KCNB2: variants seen among roughly 807,000 people sequenced by gnomAD.
KCNB2 encodes delayed rectifier potassium channel protein.
In KCNB2, 15 loss-of-function variants were observed where a neutral mutation model predicts 61.5. The observed-to-expected ratio is 0.24, with a 90% CI of 0.16 to 0.38. The LOEUF (loss-of-function observed/expected upper bound fraction) is 0.38, where lower values mean the gene tolerates loss of function less well. Among genes scored for constraint, KCNB2 ranks in the 10% least tolerant of loss-of-function variants. The probability of loss-of-function intolerance (pLI) is 1.00; values close to 1 mark genes in which losing one functional copy is unlikely to be tolerated. For synonymous variants in KCNB2, 457 were observed against 446.0 expected, an observed-to-expected ratio of 1.02 and a Z score of -0.31; for missense variants, 828 against 1,125.2, an observed-to-expected ratio of 0.74 and a Z score of 3.78.
intron 2 of KCNB2, among the ~76,000 whole-genome samples, chr8:72,886,085 T>C (rs1261863125): frequency 6.6e-6 from 1 of 152,240 alleles, no homozygotes; most frequent in Non-Finnish European, 1.5e-5. Context: ...ATTTTAATTG[T>C]TCAACTTTAT....
chr8:72,899,297 G>C (rs1009252579), intron 2 of KCNB2, among the ~76,000 whole-genome samples: 8 of 152,136 alleles, frequency 5.3e-5, no homozygotes, highest in African/African-American at 1.9e-4. Context: ...CACTGAATGA[G>C]CAAAAGATGG....
At chr8:72,832,225 C>T (rs2129001939) in intron 2 of KCNB2, among the ~76,000 whole-genome samples, 1 of 152,248 alleles carries the variant, frequency 6.6e-6, no homozygotes, top group Non-Finnish European at 1.5e-5. Flanking sequence ...AAAGGATGGC[C>T]TGGAATGTCA....
intron 2 of KCNB2, among the ~76,000 whole-genome samples, chr8:72,650,384 C>T (rs992848807): frequency 6.6e-6 from 1 of 152,154 alleles, no homozygotes; most frequent in Non-Finnish European, 1.5e-5. Flanking sequence ...CCCCTGCTCA[C>T]CTGCTCTTAC....
Position 72,656,450 on chromosome 8 carries a change from C to A in KCNB2, c.579+88137C>A, listed in dbSNP as rs540331274. ...CTGAATTGGCTGTCAACATTCGAGTCGTAAATAATAATAATAATGGCACAC... is the reference window on the plus strand; with the variant it reads ...CTGAATTGGCTGTCAACATTCGAGTAGTAAATAATAATAATAATGGCACAC... On this transcript the variant is annotated intron_variant, in intron 2 of 2. Transcript: ENST00000523207. Among the ~76,000 whole-genome samples, 13 of 152,050 alleles carry A rather than the reference C, an allele frequency of 8.5e-5. No homozygotes were observed. The South Asian group carries it at 2.7e-3, about 32-fold the overall frequency.
intron 2 of KCNB2, among the ~76,000 whole-genome samples, chr8:72,920,186 C>A (rs1055168891): frequency 1.3e-5 from 2 of 151,614 alleles, no homozygotes; most frequent in East Asian, 3.9e-4. Flanking sequence ...TTTACTTAAT[C>A]AAAAATTGGG....
intron 2 of KCNB2, among the ~76,000 whole-genome samples, chr8:72,843,650 T>A (rs1478760945): frequency 1.3e-5 from 2 of 152,244 alleles, no homozygotes; most frequent in Non-Finnish European, 2.9e-5. Flanking sequence ...TTTAGGATAG[T>A]TGGCTCTTCC....
At chr8:72,840,346 T>C (rs1163505277) in intron 2 of KCNB2, among the ~76,000 whole-genome samples, 2 of 152,228 alleles carry the variant, frequency 1.3e-5, no homozygotes, top group Non-Finnish European at 2.9e-5. Context: ...GTCTTTGCTA[T>C]TGTGAATAGT....
chr8:72,631,998 A>C (rs1255929764), intron 2 of KCNB2, among the ~76,000 whole-genome samples: 1 of 152,110 alleles, frequency 6.6e-6, no homozygotes, highest in Non-Finnish European at 1.5e-5. Flanking sequence ...ACACTTGGGG[A>C]GGCTGAGGCA....
At chr8:72,928,038 A>G (rs1446066758) in intron 2 of KCNB2, among the ~76,000 whole-genome samples, 1 of 152,196 alleles carries the variant, frequency 6.6e-6, no homozygotes, top group Non-Finnish European at 1.5e-5. Flanking sequence ...GTGTTATAGA[A>G]TCTGAATAGA....
chr8:72,695,338 G>C (rs988695365), intron 2 of KCNB2, among the ~76,000 whole-genome samples: 1 of 152,110 alleles, frequency 6.6e-6, no homozygotes, highest in South Asian at 2.1e-4. Flanking sequence ...GCCCCTGTCA[G>C]CATCAGAAAT....
chr8:72,735,031 A>G (rs746079169), intron 2 of KCNB2, among the ~76,000 whole-genome samples: 25 of 152,172 alleles, frequency 1.6e-4, no homozygotes, highest in Non-Finnish European at 1.8e-4. Context: ...AAGGCAATTC[A>G]GTGGTTTATA....
chr8:72,744,272 T>C (rs140743798), intron 2 of KCNB2, among the ~76,000 whole-genome samples: 31 of 152,294 alleles, frequency 2.0e-4, no homozygotes, highest in African/African-American at 6.7e-4. Context: ...TGACTCAGTT[T>C]CCACAGTTTC....
intron 2 of KCNB2, among the ~76,000 whole-genome samples, chr8:72,833,709 T>A (rs1363242446): frequency 6.6e-6 from 1 of 152,146 alleles, no homozygotes; most frequent in African/African-American, 2.4e-5. Flanking sequence ...AGCTGGGAAG[T>A]ACAGATGTTA....
chr8:72,753,115 A>C (rs550547357), intron 2 of KCNB2, among the ~76,000 whole-genome samples: 10 of 152,322 alleles, frequency 6.6e-5, no homozygotes, highest in African/African-American at 2.4e-4. Context: ...TTCTTCTTTT[A>C]GAGGTATCTG....
intron 2 of KCNB2, among the ~76,000 whole-genome samples, chr8:72,767,270 A>T (rs1808475304): frequency 6.6e-6 from 1 of 152,158 alleles, no homozygotes; most frequent in African/African-American, 2.4e-5. Flanking sequence ...TTGATATAGT[A>T]TTTACTATAA....
intron 2 of KCNB2, among the ~76,000 whole-genome samples, chr8:72,814,110 C>CT (rs1415873627): frequency 2.0e-5 from 3 of 152,158 alleles, no homozygotes; most frequent in African/African-American, 7.2e-5. Flanking sequence ...AGAGTGCATG[C>CT]TTTTTTTGTA....
intron 1 of KCNB2, among the ~76,000 whole-genome samples, chr8:72,540,537 G>A (rs1806174014): frequency 6.6e-6 from 1 of 152,008 alleles, no homozygotes; most frequent in East Asian, 1.9e-4. Flanking sequence ...TAAGGCTAGA[G>A]ATTATGGCCT....
intron 2 of KCNB2, among the ~76,000 whole-genome samples, chr8:72,678,449 C>T (rs1806698018): frequency 6.7e-6 from 1 of 148,660 alleles, no homozygotes; most frequent in Non-Finnish European, 1.5e-5. Context: ...TCTTTGCTTC[C>T]TCCCCACCCC....
intron 2 of KCNB2, among the ~76,000 whole-genome samples, chr8:72,669,786 T>G (rs1414453583): frequency 6.6e-6 from 1 of 152,222 alleles, no homozygotes; most frequent in Non-Finnish European, 1.5e-5. Context: ...AGCTTTTATG[T>G]ACAGCCTCAT....
Sources: allele counts gnomAD v4.1 joint callset (sites outside exome capture counted in the v4.1 genomes callset), GRCh38; gene constraint gnomAD v4.1.1; transcripts MANE v1.5; gene names NCBI Gene and HGNC (gene_info 2026-07-23, HGNC 2026-07-21).